TRPC5: variants seen among roughly 807,000 people sequenced by gnomAD.
TRPC5 encodes short transient receptor potential channel 5.
Under a neutral mutation model 56.5 loss-of-function variants are expected in TRPC5, and 9 were observed. That is an observed-to-expected ratio of 0.16 (90% confidence interval 0.10 to 0.28). TRPC5 has a LOEUF of 0.28. Ranked by LOEUF, TRPC5 falls within the 10% of genes least tolerant of loss-of-function variation. The pLI is 1.00. For synonymous variants in TRPC5, 282 were observed against 278.5 expected (o/e 1.01, Z -0.13); for missense variants, 469 against 748.9 (o/e 0.63, Z 4.36).
intron 3 of TRPC5, among the ~76,000 whole-genome samples, chrX:111,887,980 T>C (rs2148604485): frequency 8.9e-6 from 1 of 111,803 alleles, no homozygotes; most frequent in Admixed American, 9.5e-5. Flanking sequence ...TAAGGAAGAC[T>C]CAGGACTGCC....
In TRPC5 at chrX:112,042,759, A is replaced by T. The variant is rs191294406; in HGVS notation, c.-22+39120T>A. On this transcript the variant is annotated intron_variant, in intron 1 of 10. Transcript: ENST00000262839. ...GGCAGATGAAAAGTATTATAAACTGATCATATTTTTCAAACTCTCTACCTT... is the reference window on the plus strand; with the variant it reads ...GGCAGATGAAAAGTATTATAAACTGTTCATATTTTTCAAACTCTCTACCTT... Among the ~76,000 whole-genome samples the T allele has an allele frequency of 5.4e-5, 6 of 110,481 alleles. No individual in the cohort carries two copies. In the Admixed American group the frequency reaches 5.8e-4, roughly 11 times the overall value.
chrX:111,781,004 A>G, intron 9 of TRPC5, 161 bp downstream of exon 9: 1 of 558,265 alleles, frequency 1.8e-6, no homozygotes. Context: ...AGGTGATTCC[A>G]CTTGGAGAAG....
At chrX:111,944,303 T>TGTGTGTGAAAGAGAGAGAGA (rs1173179815) in intron 2 of TRPC5, among the ~76,000 whole-genome samples, 3 of 61,391 alleles carry the variant, frequency 4.9e-5, no homozygotes, top group African/African-American at 3.2e-4. Context: ...TGTGTGTGTG[T>TGTGTGTGAAAGAGAGAGAGA]GAGAGAGAGA....
chrX:111,862,997 T>C (rs1192268090), intron 3 of TRPC5, among the ~76,000 whole-genome samples: 1 of 112,179 alleles, frequency 8.9e-6, no homozygotes, highest in Non-Finnish European at 1.9e-5. Flanking sequence ...TGCTAGTGTA[T>C]AGAAACTGTC....
intron 6 of TRPC5, among the ~76,000 whole-genome samples, chrX:111,839,174 T>G (rs1049558760): frequency 5.4e-5 from 6 of 111,709 alleles, no homozygotes; most frequent in Non-Finnish European, 1.1e-4. Context: ...CCCCAACCTC[T>G]AGCTTCTACT....
chrX:111,829,526 G>A (rs1922346011), intron 7 of TRPC5, among the ~76,000 whole-genome samples: 1 of 111,747 alleles, frequency 8.9e-6, no homozygotes, highest in African/African-American at 3.3e-5. Context: ...GGCCTAGGAG[G>A]GAAAAATGGT....
chrX:111,949,918 A>G (rs191921919), intron 2 of TRPC5, among the ~76,000 whole-genome samples: 3 of 112,168 alleles, frequency 2.7e-5, no homozygotes, highest in African/African-American at 9.7e-5. Flanking sequence ...AGAACAATTC[A>G]CAATTGCAAA....
rs1311233508 is a variant in TRPC5 at position 111,772,377 on chromosome X, A to G, written c.*3936T>C. Among the ~76,000 whole-genome samples the G allele has an allele frequency of 8.9e-6, 1 of 112,288 alleles. No individual in the cohort carries two copies. Among genetic ancestry groups the G allele is most frequent in the East Asian group, 2.8e-4 (1 of 3,569 alleles). ...ATCAATTTGCATTGACTATGTCTATATGAGCAATCTTTTGAAAACTTGATT... is the reference window on the plus strand; with the variant it reads ...ATCAATTTGCATTGACTATGTCTATGTGAGCAATCTTTTGAAAACTTGATT... On this transcript the variant is annotated 3_prime_UTR_variant, in exon 11 of 11. Coordinates refer to ENST00000262839, the MANE Select transcript of TRPC5 (RefSeq NM_012471.3).
At chrX:111,962,137 T>A (rs775830131) in intron 1 of TRPC5, among the ~76,000 whole-genome samples, 12 of 111,332 alleles carry the variant, frequency 1.1e-4, no homozygotes, top group Non-Finnish European at 1.7e-4. Flanking sequence ...TCAGGTAGGG[T>A]TCACTATTTG....
chrX:112,055,599 CTATAA>C lies in TRPC5; in HGVS notation c.-22+26275_-22+26279del, dbSNP rs958124246. ...AGTGAAAGCCAAAAAGATTTTCAGACTATAATATATTTATTATATATTATTTTTAA... is the reference window on the plus strand; with the variant it reads ...AGTGAAAGCCAAAAAGATTTTCAGACTATATTTATTATATATTATTTTTAA... On this transcript the variant is annotated intron_variant, in intron 1 of 10. Coordinates refer to ENST00000262839, the MANE Select transcript of TRPC5 (RefSeq NM_012471.3). Among the ~76,000 whole-genome samples the C allele has an allele frequency of 3.6e-4, 39 of 109,042 alleles. 1 individual carries two copies. The highest frequency in any genetic ancestry group is 1.5e-3 in the South Asian group (4 of 2,637). The allele number at this position is 109,042 out of a possible 115,157, so 94.7% of individuals were successfully genotyped here. A position where few individuals can be genotyped will look rare whatever the true frequency, so the allele number is the denominator to read the frequency against.
At chrX:112,016,360 AGTGTGTGT>A (rs113555140) in intron 1 of TRPC5, among the ~76,000 whole-genome samples, 2 of 102,817 alleles carry the variant, frequency 1.9e-5, no homozygotes, top group African/African-American at 7.3e-5. Context: ...GGAAGGTTGG[AGTGTGTGT>A]GTGTGTGTGT....
chrX:111,807,535 G>T (rs1921553806), intron 7 of TRPC5, among the ~76,000 whole-genome samples: 1 of 112,462 alleles, frequency 8.9e-6, no homozygotes, highest in Admixed American at 9.4e-5. Flanking sequence ...TGTCTGAAGG[G>T]CCACATATCT....
Position 111,768,766 on chromosome X carries a change from T to C in TRPC5, c.*7547A>G, listed in dbSNP as rs1945827147. Among the ~76,000 whole-genome samples the C allele has an allele frequency of 8.9e-6, 1 of 111,861 alleles. No individual in the cohort carries two copies. The highest frequency in any genetic ancestry group is 3.2e-5 in the African/African-American group (1 of 30,791). ...TAACCCTTTGGGTTTAGAGGACTCT[T>C]CATGTGCTCACATAATATTCATTTT... On this transcript the variant is annotated 3_prime_UTR_variant, in exon 11 of 11. Transcript: ENST00000262839.
At chrX:111,905,863 C>A (rs1455111646) in intron 3 of TRPC5, among the ~76,000 whole-genome samples, 1 of 97,053 alleles carries the variant, frequency 1.0e-5, no homozygotes, top group Admixed American at 1.2e-4. Context: ...TGCAGTGAGC[C>A]AAGATCGTGC....
chrX:111,865,332 CT>C (rs60615139), intron 3 of TRPC5, among the ~76,000 whole-genome samples: 8,914 of 93,742 alleles, frequency 0.095, 1,116 homozygotes, highest in African/African-American at 0.31. Context: ...CTAGCAGCTT[CT>C]TTTTTTTTTT....
intron 3 of TRPC5, among the ~76,000 whole-genome samples, chrX:111,858,085 G>A (rs1449952889): frequency 1.8e-5 from 2 of 111,754 alleles, no homozygotes; most frequent in African/African-American, 6.5e-5. Context: ...GTGGATTCTG[G>A]CAGAACAAAC....
At chrX:112,007,492 C>A (rs1486669677) in intron 1 of TRPC5, among the ~76,000 whole-genome samples, 1 of 111,414 alleles carries the variant, frequency 9.0e-6, no homozygotes, top group Non-Finnish European at 1.9e-5. Context: ...TTTCTTTGGA[C>A]TATAAAGGGA....
chrX:111,785,256 C>G (rs758183944), intron 7 of TRPC5, among the ~76,000 whole-genome samples: 1 of 112,025 alleles, frequency 8.9e-6, no homozygotes, highest in African/African-American at 3.3e-5. Context: ...CCACTGGGGA[C>G]ACGCAGGTAA....
intron 1 of TRPC5, among the ~76,000 whole-genome samples, chrX:112,029,724 G>A (rs1297370381): frequency 1.8e-5 from 2 of 111,521 alleles, no homozygotes; most frequent in African/African-American, 6.5e-5. Context: ...TTCAAATTGA[G>A]ACAGAATAAT....
Sources: gnomAD v4.1 joint callset for allele counts (sites outside exome capture counted in the v4.1 genomes callset) on GRCh38, gnomAD v4.1.1 for gene constraint, MANE v1.5 for transcripts, NCBI Gene and HGNC (gene_info 2026-07-23, HGNC 2026-07-21) for gene names.